The following RBFOX1 variants were observed in gnomAD, a reference collection of about 807,000 sequenced individuals.
RBFOX1 encodes RNA binding fox-1 homolog 1.
RBFOX1 carries 8 observed loss-of-function variants against 57.7 expected under a neutral mutation model. The observed-to-expected ratio is 0.14, with a 90% CI of 0.08 to 0.25. The LOEUF is 0.25. Among genes scored for constraint, RBFOX1 ranks in the 10% least tolerant of loss-of-function variants. The pLI is 1.00. For synonymous variants in RBFOX1, 326 were observed against 222.4 expected, an observed-to-expected ratio of 1.47 and a Z score of -4.15; for missense variants, 611 against 548.5, an observed-to-expected ratio of 1.11 and a Z score of -1.14.
intron 1 of RBFOX1, among the ~76,000 whole-genome samples, chr16:5,256,106 G>A (rs1229703809): frequency 1.3e-5 from 2 of 152,154 alleles, no homozygotes; most frequent in African/African-American, 4.8e-5. Context: ...TGACATACAG[G>A]TGCTAAGTTT....
chr16:6,543,535 C>A (rs142469950), intron 2 of RBFOX1, among the ~76,000 whole-genome samples: 3 of 152,106 alleles, frequency 2.0e-5, no homozygotes, highest in Non-Finnish European at 4.4e-5. Context: ...TTGGGCTTTG[C>A]GCTTTTTATA....
intron 3 of RBFOX1, among the ~76,000 whole-genome samples, chr16:7,045,805 T>C (rs2047725579): frequency 6.6e-6 from 1 of 151,878 alleles, no homozygotes; most frequent in South Asian, 2.1e-4. Context: ...ACAGGCGCAT[T>C]CCACCACGTG....
intron 4 of RBFOX1, among the ~76,000 whole-genome samples, chr16:7,090,879 C>T (rs753551315): frequency 7.1e-5 from 6 of 84,622 alleles, no homozygotes; most frequent in Admixed American, 5.9e-4. Flanking sequence ...ACCCTCTTGA[C>T]CAGCACAACC....
chr16:6,012,299 T>C (rs2094966052), intron 4 of RBFOX1, among the ~76,000 whole-genome samples: 1 of 152,252 alleles, frequency 6.6e-6, no homozygotes, highest in South Asian at 2.1e-4. Flanking sequence ...GCCTAGTGCA[T>C]AGTAAGGCTA....
chr16:7,455,429 A>G (rs1285773435), intron 4 of RBFOX1, among the ~76,000 whole-genome samples: 3 of 152,136 alleles, frequency 2.0e-5, no homozygotes, highest in Non-Finnish European at 4.4e-5. Context: ...CAGCTCCCAG[A>G]GTTGTTTGCA....
intron 1 of RBFOX1, among the ~76,000 whole-genome samples, chr16:6,110,275 T>C (rs1453904431): frequency 2.6e-5 from 4 of 151,716 alleles, no homozygotes; most frequent in Non-Finnish European, 1.5e-5. Context: ...TGTGACTTCT[T>C]TGCAGCATCA....
At chr16:6,161,949 C>T (rs1379805746) in intron 1 of RBFOX1, among the ~76,000 whole-genome samples, 3 of 152,156 alleles carry the variant, frequency 2.0e-5, no homozygotes, top group African/African-American at 7.2e-5. Flanking sequence ...GGCTGGAGGC[C>T]CTCTCAGTCC....
At position 7,381,201 on chromosome 16, in the gene RBFOX1, T is replaced by C. The variant is rs528777404; in HGVS notation, c.28-136946T>C. On this transcript the variant is annotated intron_variant, in intron 4 of 15. Coordinates refer to ENST00000550418, the MANE Select transcript of RBFOX1 (RefSeq NM_018723.4). ...TTAAAACAGCCTCTCATCTCAGGGC[T>C]TCCATCAAAGGGATTGAGGCCGTGT... Among the ~76,000 whole-genome samples the C allele has an allele frequency of 3.3e-5, 5 of 152,294 alleles. No homozygotes were observed. The South Asian group carries it at 1.0e-3, about 32-fold the overall frequency.
chr16:7,632,023 A>G lies in RBFOX1; in HGVS notation c.757+1340A>G, dbSNP rs184013484. The stretch of plus-strand genomic sequence containing the variant: ...CTCCTGGGCTCAAGCAATTCTCATG[A>G]CTCAGCCTCCCAAGTAGCCGGGATT... On this transcript the variant is annotated intron_variant, in intron 11 of 15. Transcript: ENST00000550418. 2.0e-3 allele frequency among the ~76,000 whole-genome samples: 299 copies of G among 152,000 alleles called. 1 individual carries two copies. The highest frequency in any genetic ancestry group is 2.8e-3 in the Non-Finnish European group (187 of 67,928).
chr16:7,351,901 G>A (rs1409527331), intron 4 of RBFOX1, among the ~76,000 whole-genome samples: 3 of 152,126 alleles, frequency 2.0e-5, no homozygotes, highest in East Asian at 1.9e-4. Flanking sequence ...CTGCCAAGGA[G>A]TTTCCAACCC....
chr16:6,994,805 C>A (rs542822215), intron 3 of RBFOX1, among the ~76,000 whole-genome samples: 2 of 152,140 alleles, frequency 1.3e-5, no homozygotes, highest in Non-Finnish European at 2.9e-5. Context: ...TGCATGGAAA[C>A]GATTTGCTTT....
intron 3 of RBFOX1, among the ~76,000 whole-genome samples, chr16:6,952,489 A>G (rs1249198001): frequency 6.6e-6 from 1 of 151,728 alleles, no homozygotes; most frequent in Non-Finnish European, 1.5e-5. Context: ...TCTACAAAAA[A>G]TTAGCAGGTG....
chr16:6,993,209 A>C (rs2091780898), intron 3 of RBFOX1, among the ~76,000 whole-genome samples: 1 of 151,066 alleles, frequency 6.6e-6, no homozygotes. Context: ...TGGTATTGAT[A>C]GCTGTGCAAT....
chr16:7,018,185 G>A (rs77851194), intron 3 of RBFOX1, among the ~76,000 whole-genome samples: 6 of 152,052 alleles, frequency 3.9e-5, no homozygotes, highest in African/African-American at 1.2e-4. Flanking sequence ...CCGTGCATTC[G>A]TGGATCCTGC....
intron 2 of RBFOX1, among the ~76,000 whole-genome samples, chr16:6,327,592 C>T (rs1048635678): frequency 3.9e-5 from 6 of 152,036 alleles, no homozygotes; most frequent in Admixed American, 3.9e-4. Flanking sequence ...AGGAACTAGG[C>T]AATGACTTTG....
chr16:6,162,414 C>G (rs1597932477), intron 1 of RBFOX1, among the ~76,000 whole-genome samples: 1 of 152,132 alleles, frequency 6.6e-6, no homozygotes, highest in Admixed American at 6.5e-5. Flanking sequence ...TGCACCTGGC[C>G]CAGATTTCTG....
At chr16:6,878,547 T>C (rs1442134590) in intron 3 of RBFOX1, among the ~76,000 whole-genome samples, 2 of 152,180 alleles carry the variant, frequency 1.3e-5, no homozygotes, top group Non-Finnish European at 2.9e-5. Flanking sequence ...TTTGGAGTCA[T>C]TTGTTGCCAC....
intron 1 of RBFOX1, among the ~76,000 whole-genome samples, chr16:6,203,949 T>A (rs2097235032): frequency 2.0e-5 from 3 of 151,768 alleles, no homozygotes. Context: ...ACTCTCAACC[T>A]GTTGGTGGCT....
chr16:6,838,420 G>C (rs563666589), intron 3 of RBFOX1, among the ~76,000 whole-genome samples: 2 of 152,110 alleles, frequency 1.3e-5, no homozygotes, highest in Non-Finnish European at 2.9e-5. Context: ...TCTTTATCCA[G>C]TCTATTATTG....
Sources: allele counts gnomAD v4.1 joint callset (sites outside exome capture counted in the v4.1 genomes callset), GRCh38; gene constraint gnomAD v4.1.1; transcripts MANE v1.5; gene names NCBI Gene and HGNC (gene_info 2026-07-23, HGNC 2026-07-21).